The following CACNA1C variants were observed in gnomAD, a reference collection of about 807,000 sequenced individuals.
CACNA1C encodes voltage-dependent L-type calcium channel subunit alpha-1C.
Under a neutral mutation model 229.0 loss-of-function variants are expected in CACNA1C, and 30 were observed. The ratio of observed to expected loss-of-function variants is 0.13; its 90% CI spans 0.10 to 0.18. CACNA1C has a LOEUF of 0.18. Among genes scored for constraint, CACNA1C ranks in the 10% least tolerant of loss-of-function variants. CACNA1C has a pLI of 1.00. For synonymous variants in CACNA1C, 1,114 were observed against 1,132.5 expected (o/e 0.98, Z 0.33); for missense variants, 1,658 against 2,845.0 (o/e 0.58, Z 9.49).
At chr12:2,439,609 G>A (rs1364454124) in intron 3 of CACNA1C, among the ~76,000 whole-genome samples, 1 of 152,160 alleles carries the variant, frequency 6.6e-6, no homozygotes, top group Non-Finnish European at 1.5e-5. Context: ...ACACCCATGT[G>A]CTGGGGCAGG....
At chr12:2,606,880 C>A in intron 25 of CACNA1C, 104 bp from the exon 26 acceptor site, 1 of 1,364,322 alleles carries the variant, frequency 7.3e-7, no homozygotes, top group Non-Finnish European at 1.0e-6. Context: ...CGGTGAAGTT[C>A]AAGCCAGGCA....
At chr12:2,509,265 C>T (rs867056205) in intron 8 of CACNA1C, among the ~76,000 whole-genome samples, 1 of 152,162 alleles carries the variant, frequency 6.6e-6, no homozygotes, top group African/African-American at 2.4e-5. Context: ...TCAGGACACA[C>T]GTGCCTTGTG....
Position 2,274,108 on chromosome 12 carries a change from C to T in CACNA1C, c.477+153678C>T, listed in dbSNP as rs186707580. On this transcript the variant is annotated intron_variant, in intron 3 of 46. Transcript: ENST00000399655. ...TCCCACTTGGGTGCTTGATAATGAT[C>T]TAGAGCCTCGTGCCCTTATCTTCAC... 2.4e-4 allele frequency among the ~76,000 whole-genome samples: 36 copies of T among 152,316 alleles called. No homozygotes were observed. In the East Asian group the frequency reaches 2.9e-3, roughly 12 times the overall value.
chr12:2,230,382 C>G (rs916729943), intron 3 of CACNA1C, among the ~76,000 whole-genome samples: 1 of 152,200 alleles, frequency 6.6e-6, no homozygotes, highest in Non-Finnish European at 1.5e-5. Context: ...ATGGCGGTCC[C>G]GGAAGGGGAG....
At chr12:2,182,747 G>A (rs938980937) in intron 3 of CACNA1C, among the ~76,000 whole-genome samples, 1 of 152,128 alleles carries the variant, frequency 6.6e-6, no homozygotes, top group South Asian at 2.1e-4. Context: ...CCAAGGTAGG[G>A]GAAAGAGGAA....
Position 2,695,346 on chromosome 12 carries a change from G to T in CACNA1C, c.*4147G>T, listed in dbSNP as rs1292926547. On this transcript the variant is annotated 3_prime_UTR_variant, in exon 47 of 47. Coordinates refer to ENST00000399655, the MANE Select transcript of CACNA1C (RefSeq NM_000719.7). ...AGAAGAGTACTCATTCCATCTGGGG[G>T]TGTTGTTCCAGCCACATCAGCCTAC... 1 of 152,304 alleles carries T rather than the reference G, an allele frequency of 6.6e-6. No homozygotes were observed. Among genetic ancestry groups the T allele is most frequent in the Admixed American group, 6.5e-5 (1 of 15,288 alleles). 9.4% of individuals were successfully genotyped at this position (152,304 alleles called of 1,614,324 possible).
intron 3 of CACNA1C, among the ~76,000 whole-genome samples, chr12:2,339,988 T>C (rs758445571): frequency 1.3e-5 from 2 of 152,242 alleles, no homozygotes; most frequent in Non-Finnish European, 2.9e-5. Flanking sequence ...CATATTACTA[T>C]GTACTTTGGT....
chr12:2,382,077 G>T (rs2098264226), intron 3 of CACNA1C, among the ~76,000 whole-genome samples: 1 of 152,214 alleles, frequency 6.6e-6, no homozygotes, highest in South Asian at 2.1e-4. Flanking sequence ...TCTATAGATG[G>T]AATTCCAGAG....
Position 2,504,408 on chromosome 12 carries a change from C to A in CACNA1C, c.1114-434C>A. Reference sequence around the variant, plus strand: ...TTGCTGTAACCCAATTCTGCTTCTTCTTTCCTAACTTTCCTTCGTCTTTCC... The same window carrying A: ...TTGCTGTAACCCAATTCTGCTTCTTATTTCCTAACTTTCCTTCGTCTTTCC... On this transcript the variant is annotated intron_variant, in intron 7 of 46. Coordinates refer to ENST00000399655, the MANE Select transcript of CACNA1C (RefSeq NM_000719.7). This position sits in a 1 kb window ranked among gnomAD's most constrained non-coding sequence, Gnocchi z 6.8. 7.3e-7 allele frequency: 1 copy of A among 1,364,952 alleles called. No individual in the cohort carries two copies. The highest frequency in any genetic ancestry group is 1.0e-6 in the Non-Finnish European group (1 of 953,252). The allele number at this position is 1,364,952 out of a possible 1,614,324, so 84.6% of individuals were successfully genotyped here.
chr12:2,634,122 G>C (rs1209531166), intron 29 of CACNA1C, among the ~76,000 whole-genome samples, 175 bp from the exon 30 acceptor site: 1 of 151,800 alleles, frequency 6.6e-6, no homozygotes, highest in African/African-American at 2.4e-5. Context: ...AGAGTGGTAA[G>C]AGAGTGTTTA....
intron 42 of CACNA1C, chr12:2,681,817 T>C (rs11062313): frequency 7.7e-6 from 5 of 650,654 alleles, no homozygotes; most frequent in Non-Finnish European, 1.4e-5. Context: ...CCCTCAGGGG[T>C]CTGAGGATAA....
intron 3 of CACNA1C, among the ~76,000 whole-genome samples, chr12:2,247,559 C>T (rs578143426): frequency 6.6e-5 from 10 of 152,194 alleles, no homozygotes; most frequent in African/African-American, 2.4e-4. Context: ...ACTTTGTCCC[C>T]ATGGCTGAGT....
At chr12:2,149,485 T>C (rs1489842309) in intron 3 of CACNA1C, among the ~76,000 whole-genome samples, 1 of 152,364 alleles carries the variant, frequency 6.6e-6, no homozygotes, top group South Asian at 2.1e-4. Context: ...AAATCCTGGC[T>C]GTAGGAATGC....
At chr12:2,570,912 A>C (rs2054022058) in intron 13 of CACNA1C, among the ~76,000 whole-genome samples, 1 of 152,200 alleles carries the variant, frequency 6.6e-6, no homozygotes, top group South Asian at 2.1e-4. Flanking sequence ...GACCCCATCG[A>C]AAGAGAGCTC....
At position 2,186,646 on chromosome 12, in the gene CACNA1C, C is replaced by G. The variant is rs1023221140; in HGVS notation, c.477+66216C>G. Among the ~76,000 whole-genome samples the G allele has an allele frequency of 2.0e-5, 3 of 152,206 alleles. No homozygotes were observed. The East Asian group carries it at 5.8e-4, about 29-fold the overall frequency. On this transcript the variant is annotated intron_variant, in intron 3 of 46. Coordinates refer to ENST00000399655, the MANE Select transcript of CACNA1C (RefSeq NM_000719.7). The stretch of plus-strand genomic sequence containing the variant: ...CCATGTGCCTGGAATTCAGCACTTA[C>G]ACGTTTCCATAGCACAATGGACATC...
chr12:2,004,146 G>T, intron 1 of CACNA1C: 1 of 1,257,836 alleles, frequency 8.0e-7, no homozygotes, highest in Non-Finnish European at 1.1e-6. Context: ...CACAACTTCG[G>T]CCTCAGTCCC....
At chr12:2,560,610 C>A (rs1200455970) in intron 11 of CACNA1C, among the ~76,000 whole-genome samples, 1 of 152,134 alleles carries the variant, frequency 6.6e-6, no homozygotes, top group Non-Finnish European at 1.5e-5. Context: ...GTTGGAGTTT[C>A]TGGATCTCAA....
chr12:2,131,650 T>C (rs2092237050), intron 3 of CACNA1C, among the ~76,000 whole-genome samples: 1 of 143,460 alleles, frequency 7.0e-6, no homozygotes, highest in South Asian at 2.4e-4. Flanking sequence ...CTCTGTTCTG[T>C]TCCATTGATC....
chr12:2,200,275 A>G (rs2097544587), intron 3 of CACNA1C, among the ~76,000 whole-genome samples: 1 of 152,192 alleles, frequency 6.6e-6, no homozygotes, highest in Non-Finnish European at 1.5e-5. Context: ...TCAGTCTGTA[A>G]GGGGTAAATC....
Sources: allele counts gnomAD v4.1 joint callset (sites outside exome capture counted in the v4.1 genomes callset), GRCh38; gene constraint gnomAD v4.1.1; non-coding constraint Gnocchi (gnomAD v3.1); transcripts MANE v1.5; gene names NCBI Gene and HGNC (gene_info 2026-07-23, HGNC 2026-07-21).